AIRE: variants seen among roughly 807,000 people sequenced by gnomAD.
The protein encoded by AIRE is autoimmune regulator.
Under a neutral mutation model 62.1 loss-of-function variants are expected in AIRE, and 52 were observed. The ratio of observed to expected loss-of-function variants is 0.84; its 90% CI spans 0.67 to 1.06. The LOEUF (loss-of-function observed/expected upper bound fraction) is 1.06, where lower values mean the gene tolerates loss of function less well. Ranked by LOEUF, AIRE falls within the 50% of genes least tolerant of loss-of-function variation. The pLI, the probability that AIRE is intolerant of heterozygous loss-of-function variation, is 0.00. For missense variants in AIRE, 774 were observed against 755.8 expected (o/e 1.02, Z -0.28); for synonymous variants, 342 against 321.6 (o/e 1.06, Z -0.68).
rs554591629 is a variant in AIRE at position 44,292,354 on chromosome 21, C to A, written c.1048C>A (p.Pro350Thr). Reference sequence around the variant, plus strand: ...GCAGGCAACAGTCCAGGAGGTGCAGCCCCGGGCAGAGGAGCCCCGGCCCCA... The same window carrying A: ...GCAGGCAACAGTCCAGGAGGTGCAGACCCGGGCAGAGGAGCCCCGGCCCCA... Reference protein sequence around the residue: ...CLQATVQEVQPRAEEPRPQEP... With the variant: ...CLQATVQEVQTRAEEPRPQEP... Residue 350 changes from proline (P) to threonine (T), a missense_variant, in exon 9 of 14, where the codon CCC becomes ACC. Physicochemically the swap from Pro to Thr is conservative, Grantham distance 38 (BLOSUM62 -1). Coordinates refer to ENST00000291582, the MANE Select transcript of AIRE (RefSeq NM_000383.4). The A allele has an allele frequency of 6.4e-7, 1 of 1,573,520 alleles. No homozygotes were observed. The highest frequency in any genetic ancestry group is 1.3e-5 in the African/African-American group (1 of 74,370).
In AIRE at chr21:44,287,248, C is replaced by G; in HGVS notation, c.463+115C>G. On this transcript the variant is annotated intron_variant, in intron 3 of 13. Transcript: ENST00000291582. The surrounding 1 kb of genome is among the most constrained non-coding windows in gnomAD (Gnocchi z 4.3). ...CCCACTGGGTGTGGGGCCAGCCTGCCTGGGGCTGTGGGGGTCTCCTCTGGG... is the reference window on the plus strand; with the variant it reads ...CCCACTGGGTGTGGGGCCAGCCTGCGTGGGGCTGTGGGGGTCTCCTCTGGG... 7.5e-7 allele frequency: 1 copy of G among 1,331,908 alleles called. No individual in the cohort carries two copies. The allele number at this position is 1,331,908 out of a possible 1,614,324, so 82.5% of individuals were successfully genotyped here.
intron 13 of AIRE, 78 bp downstream of exon 13, chr21:44,296,523 G>GAGT: frequency 7.3e-7 from 1 of 1,369,008 alleles, no homozygotes; most frequent in South Asian, 1.2e-5. Context: ...TCCCCACTCT[G>GAGT]GGGGAGGACT....
rs1049123000 is a variant in AIRE at position 44,292,348 on chromosome 21, G to A, written c.1042G>A (p.Val348Met). ...CTGCCTGCAGGCAACAGTCCAGGAG[G>A]TGCAGCCCCGGGCAGAGGAGCCCCG... ...SSCLQATVQEVQPRAEEPRPQ... is the reference protein window; with the variant it reads ...SSCLQATVQEMQPRAEEPRPQ... The change falls in exon 9 of 14, where the codon GTG (valine) becomes ATG (methionine). Residue 348 changes from valine to methionine, a missense_variant. This residue lies in a region of AIRE where 354 missense variants were observed against 296.1 expected (regional missense o/e 1.20). Transcript: ENST00000291582. The A allele has an allele frequency of 6.3e-6, 10 of 1,575,346 alleles. No homozygotes were observed. Among genetic ancestry groups the A allele is most frequent in the East Asian group, 2.3e-5 (1 of 43,242 alleles).
chr21:44,296,487 T>G, intron 13 of AIRE, 42 bp downstream of exon 13: 1 of 1,565,400 alleles, frequency 6.4e-7, no homozygotes, highest in Non-Finnish European at 8.8e-7. Context: ...CCACTCCCCC[T>G]CCCCTGCCTC....
At chr21:44,292,816 C>T (rs1449195014) in intron 9 of AIRE, among the ~76,000 whole-genome samples, 177 bp from the exon 10 acceptor site, 1 of 151,756 alleles carries the variant, frequency 6.6e-6, no homozygotes, top group Non-Finnish European at 1.5e-5. Flanking sequence ...CAGGAAGTGC[C>T]ACAGCCTTTC....
At chr21:44,295,100 G>C (rs937167792) in intron 12 of AIRE, among the ~76,000 whole-genome samples, 20 of 152,190 alleles carry the variant, frequency 1.3e-4, no homozygotes, top group Admixed American at 5.2e-4. Flanking sequence ...GAGCCTCCGG[G>C]GGGGTGGCCT....
At position 44,295,663 on chromosome 21, in the gene AIRE, G is replaced by T. The variant is rs533908454; in HGVS notation, c.1504-720G>T. On this transcript the variant is annotated intron_variant, in intron 12 of 13. Transcript: ENST00000291582. ...AATGTAACGCCATGTCAGAGGAAAA[G>T]TTCTGGCTGGCCTTGGCCTCCCCCC... 3.3e-5 allele frequency among the ~76,000 whole-genome samples: 5 copies of T among 152,316 alleles called. No individual in the cohort carries two copies. The East Asian group carries it at 9.6e-4, about 29-fold the overall frequency.
At position 44,291,193 on chromosome 21, in the gene AIRE, G is replaced by A. The variant is rs972756453; in HGVS notation, c.978G>A (p.Pro326=). ...TCCACCTGGCCTGCCTGTCCCCTCC[G>A]CTCCGGGAGATCCCCAGGTGAGCCT... ...RAFHLACLSP[P]LREIPSGTWR... is the part of the protein sequence containing the mutation. The change falls in exon 8 of 14, where the codon CCG becomes CCA. Residue 326 remains proline (P), a synonymous_variant. Coordinates refer to ENST00000291582, the MANE Select transcript of AIRE (RefSeq NM_000383.4). 12 of 1,603,254 alleles carry A rather than the reference G, an allele frequency of 7.5e-6. No individual in the cohort carries two copies. The highest frequency in any genetic ancestry group is 1.3e-5 in the African/African-American group (1 of 74,954).
chr21:44,288,205 C>A, intron 4 of AIRE, 140 bp from the exon 5 acceptor site: 2 of 718,716 alleles, frequency 2.8e-6, no homozygotes, highest in Non-Finnish European at 5.0e-6. Context: ...CTGCACATGG[C>A]AGGGCTGGGT....
chr21:44,289,975 C>T lies in AIRE; in HGVS notation c.799-13C>T. 6.2e-7 allele frequency: 1 copy of T among 1,610,316 alleles called. No individual in the cohort carries two copies. The highest frequency in any genetic ancestry group is 8.5e-7 in the Non-Finnish European group (1 of 1,179,002). On this transcript the variant is annotated splice_polypyrimidine_tract_variant and intron_variant, in intron 6 of 13. Transcript: ENST00000291582. ...GAGGCTGCCCCCATTGCTGACGCCC[C>T]TCTTCCTTGCAGGGTGGAGGTGAGG...
Position 44,286,808 on chromosome 21 carries a change from C to A in AIRE, c.307+77C>A. The A allele has an allele frequency of 1.3e-6, 2 of 1,584,324 alleles. No individual in the cohort carries two copies. The highest frequency in any genetic ancestry group is 8.6e-7 in the Non-Finnish European group (1 of 1,157,060). ...CCTGCTCAGCCCAGCTGGACTGGAA[C>A]CGGAGTGGTGTTTGAGGAGCCCGTG... On this transcript the variant is annotated intron_variant, in intron 2 of 13. Transcript: ENST00000291582. The surrounding 1 kb of genome is among the most constrained non-coding windows in gnomAD (Gnocchi z 6.0).
chr21:44,289,277 G>A (rs1446979157), intron 5 of AIRE: 4 of 272,328 alleles, frequency 1.5e-5, no homozygotes, highest in Non-Finnish European at 2.6e-5. Flanking sequence ...CTGGGCTCAG[G>A]ACCCACCGCT....
In AIRE at chr21:44,287,435, C is replaced by G. The variant is rs989518616; in HGVS notation, c.464-82C>G. ...CCAGCACTGGACCGCCCCCTCCACG[C>G]CCTCCCACCGCGGGCCCCTGCCCAC... On this transcript the variant is annotated intron_variant, in intron 3 of 13. Transcript: ENST00000291582. The surrounding 1 kb of genome is among the most constrained non-coding windows in gnomAD (Gnocchi z 4.3). 5.0e-6 allele frequency: 5 copies of G among 1,002,110 alleles called. No homozygotes were observed. Among genetic ancestry groups the G allele is most frequent in the Non-Finnish European group, 7.7e-6 (5 of 651,358 alleles). The allele number at this position is 1,002,110 out of a possible 1,614,324, so 62.1% of individuals were successfully genotyped here. A position where few individuals can be genotyped will look rare whatever the true frequency, so the allele number is the denominator to read the frequency against.
Position 44,296,391 on chromosome 21 carries a change from T to TGCCAGTCACGAGCCC in AIRE, c.1515_1529dup (p.Ser506_Ala510dup). On this transcript the variant is annotated inframe_insertion, in exon 13 of 14. Transcript: ENST00000291582. ...TCTTTACTGGGTTCCAGGATGACACTGCCAGTCACGAGCCCGCTCTGCACA... is the reference window on the plus strand; with the variant it reads ...TCTTTACTGGGTTCCAGGATGACACTGCCAGTCACGAGCCCGCCAGTCACGAGCCCGCTCTGCACA... The TGCCAGTCACGAGCCC allele has an allele frequency of 6.2e-7, 1 of 1,612,296 alleles. No homozygotes were observed. Among genetic ancestry groups the TGCCAGTCACGAGCCC allele is most frequent in the Non-Finnish European group, 8.5e-7 (1 of 1,179,690 alleles).
intron 10 of AIRE, among the ~76,000 whole-genome samples, chr21:44,293,431 C>T (rs1208736243): frequency 1.3e-5 from 2 of 152,058 alleles, no homozygotes; most frequent in Non-Finnish European, 2.9e-5. Context: ...TGTCCCAGCA[C>T]ACGTGGGAGC....
At chr21:44,289,834 C>A (rs1390448659) in intron 6 of AIRE, 32 bp downstream of exon 6, 1 of 1,611,858 alleles carries the variant, frequency 6.2e-7, no homozygotes, top group Admixed American at 1.7e-5. Flanking sequence ...GGGAGCCTGG[C>A]TCTTGATGCC....
Position 44,296,461 on chromosome 21 carries a change from GCCT to G in AIRE, c.1566+20_1566+22del, listed in dbSNP as rs1203769400. ...TCTGAGCGAGGTAACGCCTCCCCTG[GCCT>G]CCTGGTGCTCCTCCACTCCCCCTCC... On this transcript the variant is annotated intron_variant, in intron 13 of 13. Transcript: ENST00000291582. 1.2e-6 allele frequency: 2 copies of G among 1,608,400 alleles called. No individual in the cohort carries two copies. The highest frequency in any genetic ancestry group is 3.3e-5 in the Admixed American group (2 of 59,992).
rs763954225 is a variant in AIRE at position 44,292,390 on chromosome 21, G to C, written c.1084G>C (p.Val362Leu). The change falls in exon 9 of 14, where the codon GTG (valine) becomes CTG (leucine). Residue 362 changes from valine (V) to leucine (L), a missense_variant. By Grantham distance (32) the Val-to-Leu change is conservative. Transcript: ENST00000291582. ...GGAGCCCCGGCCCCAGGAGCCACCC[G>C]TGGAGACCCCGGTATGGCCACGCCC... ...AEEPRPQEPP[V>L]ETPLPPGLRS... 2.6e-6 allele frequency: 4 copies of C among 1,554,142 alleles called. No individual in the cohort carries two copies. The Admixed American group carries it at 7.7e-5, about 30-fold the overall frequency.
intron 5 of AIRE, chr21:44,288,661 G>C (rs1009936985): frequency 2.6e-5 from 15 of 573,782 alleles, no homozygotes; most frequent in Middle Eastern, 9.3e-4. Context: ...CTTCTGCAAG[G>C]CCAGCGGTCC....
Sources: gnomAD v4.1 joint callset for allele counts (sites outside exome capture counted in the v4.1 genomes callset) on GRCh38, gnomAD v4.1.1 for gene constraint, gnomAD v4.1.1 regional missense constraint, Gnocchi (gnomAD v3.1) non-coding constraint, MANE v1.5 for transcripts, NCBI Gene and HGNC (gene_info 2026-07-23, HGNC 2026-07-21) for gene names.